Variants in ST6GALNAC3 observed in about 807,000 individuals in gnomAD.
ST6GALNAC3 encodes ST6 N-acetylgalactosaminide alpha-2,6-sialyltransferase 3, also known as alpha-N-acetylgalactosaminide alpha-2,6-sialyltransferase 3.
A neutral mutation model predicts 32.7 loss-of-function variants in ST6GALNAC3; 25 were observed. The ratio of observed to expected loss-of-function variants is 0.76; its 90% CI spans 0.56 to 1.07. The LOEUF (loss-of-function observed/expected upper bound fraction) is 1.07, where lower values mean the gene tolerates loss of function less well. ST6GALNAC3 is among the 50% of genes least tolerant of loss of function. The pLI is 0.00. For synonymous variants in ST6GALNAC3, 129 were observed against 133.1 expected, an observed-to-expected ratio of 0.97 and a Z score of 0.21; for missense variants, 355 against 382.4, an observed-to-expected ratio of 0.93 and a Z score of 0.60.
At chr1:76,189,098 G>A (rs1393852205) in intron 1 of ST6GALNAC3, among the ~76,000 whole-genome samples, 1 of 152,176 alleles carries the variant, frequency 6.6e-6, no homozygotes, top group African/African-American at 2.4e-5. Context: ...GAGTTGGATG[G>A]GGCCAAGAGG....
intron 1 of ST6GALNAC3, among the ~76,000 whole-genome samples, chr1:76,204,517 T>C (rs892556541): frequency 2.0e-4 from 31 of 152,280 alleles, no homozygotes; most frequent in African/African-American, 7.2e-4. Context: ...AGTACTCTGA[T>C]GGTAGAAAGA....
At chr1:76,613,296 A>G (rs1000446754) in intron 3 of ST6GALNAC3, among the ~76,000 whole-genome samples, 5 of 152,144 alleles carry the variant, frequency 3.3e-5, no homozygotes, top group African/African-American at 1.2e-4. Flanking sequence ...TTACAGAAAC[A>G]CTTCTTGCCA....
intron 1 of ST6GALNAC3, among the ~76,000 whole-genome samples, chr1:76,297,369 G>A (rs115166434): frequency 0.013 from 2,027 of 151,968 alleles, 15 homozygotes; most frequent in Non-Finnish European, 0.02. Context: ...CATCTAATAT[G>A]TGCCAAATAA....
At chr1:76,500,652 A>G (rs1557495410) in intron 3 of ST6GALNAC3, among the ~76,000 whole-genome samples, 1 of 152,188 alleles carries the variant, frequency 6.6e-6, no homozygotes, top group Non-Finnish European at 1.5e-5. Context: ...GTTGACCGAG[A>G]TTGTTTCAGG....
At chr1:76,425,313 C>T (rs1008532429) in intron 3 of ST6GALNAC3, among the ~76,000 whole-genome samples, 1 of 152,040 alleles carries the variant, frequency 6.6e-6, no homozygotes, top group Non-Finnish European at 1.5e-5. Flanking sequence ...CTATTAGGAG[C>T]GTAACTAGCA....
At chr1:76,469,675 G>A (rs1252354926) in intron 3 of ST6GALNAC3, among the ~76,000 whole-genome samples, 5 of 152,106 alleles carry the variant, frequency 3.3e-5, no homozygotes, top group Non-Finnish European at 5.9e-5. Flanking sequence ...GACAGGTAAG[G>A]CAGAGGTGAG....
At chr1:76,250,187 GT>G (rs1182128119) in intron 1 of ST6GALNAC3, among the ~76,000 whole-genome samples, 5 of 152,146 alleles carry the variant, frequency 3.3e-5, no homozygotes, top group African/African-American at 9.7e-5. Flanking sequence ...ATCCTTAGAA[GT>G]TTCTCTCATG....
intron 2 of ST6GALNAC3, among the ~76,000 whole-genome samples, chr1:76,376,512 C>A (rs1032249626): frequency 3.9e-5 from 6 of 152,122 alleles, no homozygotes; most frequent in Non-Finnish European, 8.8e-5. Flanking sequence ...TTCTCCAAAG[C>A]CATAATTTTG....
At chr1:76,267,709 G>A (rs2100746519) in intron 1 of ST6GALNAC3, among the ~76,000 whole-genome samples, 1 of 152,286 alleles carries the variant, frequency 6.6e-6, no homozygotes, top group South Asian at 2.1e-4. Context: ...ATGTGTAATA[G>A]GCAAATGAAG....
At chr1:76,405,587 ATGTGTGTGTGTGTGTGTGTATTTG>A (rs1445291436) in intron 2 of ST6GALNAC3, among the ~76,000 whole-genome samples, 1 of 136,228 alleles carries the variant, frequency 7.3e-6, no homozygotes, top group Non-Finnish European at 1.6e-5. Flanking sequence ...AAGGTAACAG[ATGTGTGTGTGTGTGTGTGTATTTG>A]TGTGTGTGTG....
chr1:76,519,605 G>A (rs983602589), intron 3 of ST6GALNAC3, among the ~76,000 whole-genome samples: 28 of 152,214 alleles, frequency 1.8e-4, no homozygotes, highest in Middle Eastern at 3.4e-3. Context: ...ACGAAGATAC[G>A]TATAGTTGGT....
At chr1:76,161,600 T>C (rs972464379) in intron 1 of ST6GALNAC3, among the ~76,000 whole-genome samples, 3 of 152,218 alleles carry the variant, frequency 2.0e-5, no homozygotes, top group Non-Finnish European at 4.4e-5. Context: ...GATCTAAATT[T>C]ATATTGCAGA....
At chr1:76,528,324 C>T (rs1173978702) in intron 3 of ST6GALNAC3, among the ~76,000 whole-genome samples, 2 of 152,278 alleles carry the variant, frequency 1.3e-5, no homozygotes, top group Middle Eastern at 3.4e-3. Flanking sequence ...GACACTGACA[C>T]TCAGAGAGAT....
At chr1:76,258,446 G>A (rs1161925216) in intron 1 of ST6GALNAC3, among the ~76,000 whole-genome samples, 1 of 152,124 alleles carries the variant, frequency 6.6e-6, no homozygotes, top group African/African-American at 2.4e-5. Flanking sequence ...CCTTTGGCAT[G>A]GATGGGTTTA....
chr1:76,086,702 C>T (rs1226452132), intron 1 of ST6GALNAC3, among the ~76,000 whole-genome samples: 1 of 152,148 alleles, frequency 6.6e-6, no homozygotes, highest in Non-Finnish European at 1.5e-5. Context: ...ATGAAACCTT[C>T]TTGCAGAGTC....
intron 1 of ST6GALNAC3, among the ~76,000 whole-genome samples, chr1:76,120,652 C>G (rs1053188330): frequency 1.3e-5 from 2 of 152,222 alleles, no homozygotes; most frequent in Non-Finnish European, 2.9e-5. Context: ...CACCTGCCTA[C>G]TTGATAACTC....
chr1:76,187,564 T>C lies in ST6GALNAC3; in HGVS notation c.18+112680T>C, dbSNP rs191577177. Among the ~76,000 whole-genome samples, 37 of 152,260 alleles carry C rather than the reference T, an allele frequency of 2.4e-4. 2 individuals are homozygous for C. The highest frequency in any genetic ancestry group is 8.2e-4 in the African/African-American group (34 of 41,562). On this transcript the variant is annotated intron_variant, in intron 1 of 4. Coordinates refer to ENST00000328299, the MANE Select transcript of ST6GALNAC3 (RefSeq NM_152996.4). ...GTTTACTACAAGTGGCAGTGAAGCA[T>C]TTACTTACTCCAAAGGAACTCTGGA...
chr1:76,435,673 T>C (rs1201355906), intron 3 of ST6GALNAC3, among the ~76,000 whole-genome samples: 1 of 152,124 alleles, frequency 6.6e-6, no homozygotes, highest in Non-Finnish European at 1.5e-5. Flanking sequence ...TGTTTCTTTT[T>C]TCTTTCTGAA....
At chr1:76,439,679 A>C (rs1352729659) in intron 3 of ST6GALNAC3, among the ~76,000 whole-genome samples, 3 of 152,218 alleles carry the variant, frequency 2.0e-5, no homozygotes, top group Non-Finnish European at 2.9e-5. Flanking sequence ...GGGTTCATGC[A>C]GTTAGTAAAC....
Sources: allele counts gnomAD v4.1 joint callset (sites outside exome capture counted in the v4.1 genomes callset), GRCh38; gene constraint gnomAD v4.1.1; transcripts MANE v1.5; gene names NCBI Gene and HGNC (gene_info 2026-07-23, HGNC 2026-07-21).